Variants in NAV3 observed in about 807,000 individuals in gnomAD.
NAV3 encodes the protein pore membrane and/or filament interacting like protein 1.
Under a neutral mutation model 244.7 loss-of-function variants are expected in NAV3, and 87 were observed. That is an observed-to-expected ratio of 0.36 (90% CI 0.30 to 0.42). NAV3 has a LOEUF of 0.42. Ranked by LOEUF, NAV3 falls within the 20% of genes least tolerant of loss-of-function variation. The pLI is 1.00. For synonymous variants in NAV3, 1,126 were observed against 1,042.2 expected (o/e 1.08, Z -1.55); for missense variants, 2,663 against 2,893.3 (o/e 0.92, Z 1.83).
intron 2 of NAV3, among the ~76,000 whole-genome samples, chr12:77,647,315 A>G (rs1278048217): frequency 6.6e-6 from 1 of 152,142 alleles, no homozygotes; most frequent in East Asian, 1.9e-4. Flanking sequence ...CATGTAATAG[A>G]AAGACTTTAA....
chr12:77,605,804 A>G (rs756976547), intron 2 of NAV3, among the ~76,000 whole-genome samples: 1 of 151,628 alleles, frequency 6.6e-6, no homozygotes, highest in Non-Finnish European at 1.5e-5. Context: ...GGGGCATTGC[A>G]CTCCAGCCTC....
intron 2 of NAV3, among the ~76,000 whole-genome samples, chr12:77,655,667 A>T (rs973493290): frequency 2.0e-5 from 3 of 152,118 alleles, no homozygotes; most frequent in Admixed American, 2.0e-4. Flanking sequence ...GATTCACCAA[A>T]GTTGAAATGA....
At chr12:78,058,743 G>A (rs1219054468) in intron 11 of NAV3, among the ~76,000 whole-genome samples, 2 of 151,982 alleles carry the variant, frequency 1.3e-5, no homozygotes, top group African/African-American at 2.4e-5. Flanking sequence ...TCTATGGTAG[G>A]CTAGTTACTT....
intron 2 of NAV3, among the ~76,000 whole-genome samples, chr12:77,733,354 A>T (rs1877204485): frequency 6.6e-6 from 1 of 152,076 alleles, no homozygotes; most frequent in South Asian, 2.1e-4. Flanking sequence ...GGGAGATAAG[A>T]AAAATATGAA....
rs185826720 is a variant in NAV3, at chr12:77,941,383, T to C, written c.414+250T>C. 2.0e-5 allele frequency among the ~76,000 whole-genome samples: 3 copies of C among 152,346 alleles called. No homozygotes were observed. In the East Asian group the frequency reaches 5.8e-4, roughly 29 times the overall value. ...GACTTTTTTTTGTTCTGCTGTTCTGTATAATTTAACACTGGTCTTAATGGT... is the reference window on the plus strand; with the variant it reads ...GACTTTTTTTTGTTCTGCTGTTCTGCATAATTTAACACTGGTCTTAATGGT... On this transcript the variant is annotated intron_variant, in intron 3 of 39. Coordinates refer to ENST00000397909, the MANE Select transcript of NAV3 (RefSeq NM_001024383.2).
intron 29 of NAV3, 135 bp downstream of exon 29, chr12:78,179,817 G>T: frequency 9.6e-7 from 1 of 1,045,620 alleles, no homozygotes; most frequent in Non-Finnish European, 1.3e-6. Context: ...TTCAGTCTTT[G>T]CAACTCATCT....
chr12:78,036,662 T>C lies in NAV3; in HGVS notation c.2024-13331T>C, dbSNP rs1461318952. The C allele has an allele frequency of 6.1e-6, 3 of 490,676 alleles. No homozygotes were observed. In the East Asian group the frequency reaches 9.1e-5, roughly 15 times the overall value. The allele number at this position is 490,676 out of a possible 1,614,324, so 30.4% of individuals were successfully genotyped here. A position where few individuals can be genotyped will look rare whatever the true frequency, so the allele number is the denominator to read the frequency against. ...ATTCGAGCAAAATATTTGTAAGTAC[T>C]GCTGATTAGTAAAGTGATGTGTCAA... On this transcript the variant is annotated intron_variant, in intron 9 of 39. Transcript: ENST00000397909.
intron 12 of NAV3, among the ~76,000 whole-genome samples, chr12:78,107,749 G>A (rs942503729): frequency 2.0e-5 from 3 of 151,984 alleles, no homozygotes; most frequent in African/African-American, 7.2e-5. Context: ...AATGCTCAAG[G>A]GAGGTCTGGA....
At chr12:77,908,299 T>A (rs143561649) in intron 1 of NAV3, among the ~76,000 whole-genome samples, 39 of 152,148 alleles carry the variant, frequency 2.6e-4, no homozygotes, top group African/African-American at 7.7e-4. Flanking sequence ...CAAAAACATA[T>A]GCCTCAAGAA....
At chr12:77,632,073 G>A (rs1278012935) in intron 2 of NAV3, among the ~76,000 whole-genome samples, 1 of 133,148 alleles carries the variant, frequency 7.5e-6, no homozygotes, top group Non-Finnish European at 1.5e-5. Context: ...ATTGAGTTGA[G>A]GTGGGTTCAT....
chr12:77,637,782 A>G (rs1351933365), intron 2 of NAV3, among the ~76,000 whole-genome samples: 15 of 152,228 alleles, frequency 9.9e-5, no homozygotes, highest in Admixed American at 9.8e-4. Flanking sequence ...AATGTATTAC[A>G]TTATGTTTCA....
chr12:77,821,846 C>G (rs1872757286), intron 2 of NAV3, among the ~76,000 whole-genome samples: 1 of 152,112 alleles, frequency 6.6e-6, no homozygotes, highest in Admixed American at 6.6e-5. Flanking sequence ...TTTGTGTACC[C>G]ATATTCCAAC....
chr12:77,895,309 TTGTG>T lies in NAV3; in HGVS notation c.244-44984_244-44981del, dbSNP rs71440496. Reference sequence around the variant, plus strand: ...TAATTTTAAAATAGGTTTAGAATGATTGTGTGTGTGTGTGTGTGTGTGTGTGTGT... The same window carrying T: ...TAATTTTAAAATAGGTTTAGAATGATTGTGTGTGTGTGTGTGTGTGTGTGT... On this transcript the variant is annotated intron_variant, in intron 1 of 39. Coordinates refer to ENST00000397909, the MANE Select transcript of NAV3 (RefSeq NM_001024383.2). Among the ~76,000 whole-genome samples the T allele has an allele frequency of 6.1e-3, 900 of 148,440 alleles. 9 individuals carry two copies. The highest frequency in any genetic ancestry group is 0.02 in the African/African-American group (808 of 40,124).
chr12:77,584,850 C>T (rs138603403), intron 2 of NAV3, among the ~76,000 whole-genome samples: 70 of 152,054 alleles, frequency 4.6e-4, no homozygotes, highest in African/African-American at 1.6e-3. Flanking sequence ...TGATTTCCCC[C>T]CTCAAAAAAA....
At chr12:78,085,013 C>T (rs1287029278) in intron 12 of NAV3, among the ~76,000 whole-genome samples, 4 of 152,060 alleles carry the variant, frequency 2.6e-5, no homozygotes, top group Admixed American at 6.6e-5. Flanking sequence ...ATATAAAAAG[C>T]ATTGCCATCA....
At position 77,994,807 on chromosome 12, in the gene NAV3, G is replaced by A. The variant is rs1381867577; in HGVS notation, c.676G>A (p.Ala226Thr). The change falls in exon 6 of 40, where the codon GCA becomes ACA. Residue 226 changes from alanine (A) to threonine (T), a missense_variant. By Grantham distance (58) the Ala-to-Thr change is moderately conservative. Transcript: ENST00000397909. ...TCTCTGTTTCTCCTCATACAGTCTG[G>A]CAGCCAGATATGCAACTCAGTCTAA... ...KTQQDMQSSLAARYATQSNHS... is the reference protein window; with the variant it reads ...KTQQDMQSSLTARYATQSNHS... 2.5e-6 allele frequency: 4 copies of A among 1,608,414 alleles called. No homozygotes were observed. The Middle Eastern group carries it at 5.0e-4, about 199-fold the overall frequency.
chr12:77,702,380 G>T (rs922420319), intron 2 of NAV3, among the ~76,000 whole-genome samples: 1 of 151,842 alleles, frequency 6.6e-6, no homozygotes, highest in Non-Finnish European at 1.5e-5. Context: ...ATATAGTTGG[G>T]TGTTGTTCTT....
intron 1 of NAV3, among the ~76,000 whole-genome samples, chr12:77,846,401 A>G (rs1415633684): frequency 6.6e-6 from 1 of 152,224 alleles, no homozygotes; most frequent in African/African-American, 2.4e-5. Context: ...CTTGAAGGAT[A>G]AATACGAAAA....
intron 20 of NAV3, among the ~76,000 whole-genome samples, chr12:78,145,528 T>C (rs1281361850): frequency 6.6e-6 from 1 of 152,198 alleles, no homozygotes; most frequent in Non-Finnish European, 1.5e-5. Flanking sequence ...TCAACAACAT[T>C]ATGCATTCTT....
Sources: gnomAD v4.1 joint callset for allele counts (sites outside exome capture counted in the v4.1 genomes callset) on GRCh38, gnomAD v4.1.1 for gene constraint, MANE v1.5 for transcripts, NCBI Gene and HGNC (gene_info 2026-07-23, HGNC 2026-07-21) for gene names.